CENPE: variants seen among roughly 807,000 people sequenced by gnomAD.
CENPE encodes the protein centromere-associated protein E.
CENPE carries 145 observed loss-of-function variants against 336.1 expected under a neutral mutation model. That is an observed-to-expected ratio of 0.43 (90% CI 0.38 to 0.50). CENPE has a LOEUF of 0.50. Among genes scored for constraint, CENPE ranks in the 20% least tolerant of loss-of-function variants. The probability of loss-of-function intolerance (pLI) is 0.00; values close to 1 mark genes in which losing one functional copy is unlikely to be tolerated. For missense variants in CENPE, 2,719 were observed against 3,023.3 expected (o/e 0.90, Z 2.36); for synonymous variants, 1,013 against 984.8 (o/e 1.03, Z -0.54).
Position 103,197,408 on chromosome 4 carries a change from C to T in CENPE, c.57-558G>A, listed in dbSNP as rs147536302. Among the ~76,000 whole-genome samples, 353 of 152,320 alleles carry T rather than the reference C, an allele frequency of 2.3e-3. 2 individuals are homozygous for T. The highest frequency in any genetic ancestry group is 8.0e-3 in the African/African-American group (333 of 41,560). On this transcript the variant is annotated intron_variant, in intron 1 of 48. Coordinates refer to ENST00000265148, the MANE Select transcript of CENPE (RefSeq NM_001813.3). ...ACGGGAAGCTTTCGTCTCTGATGGGCTAATAACTCCTCTAGCAAACATTCT... is the reference window on the plus strand; with the variant it reads ...ACGGGAAGCTTTCGTCTCTGATGGGTTAATAACTCCTCTAGCAAACATTCT...
At chr4:103,111,121 A>C in intron 46 of CENPE, 110 bp from the exon 47 acceptor site, 1 of 707,878 alleles carries the variant, frequency 1.4e-6, no homozygotes, top group Non-Finnish European at 2.2e-6. Flanking sequence ...CAAACAGCTC[A>C]AGTCTTATTT....
chr4:103,115,731 CTTT>C (rs749115745), intron 45 of CENPE, among the ~76,000 whole-genome samples: 8 of 138,006 alleles, frequency 5.8e-5, no homozygotes, highest in Admixed American at 7.3e-5. Flanking sequence ...GAACATATTT[CTTT>C]TTTTTTTTTT....
At chr4:103,197,526 G>A (rs1409660650) in intron 1 of CENPE, among the ~76,000 whole-genome samples, 2 of 152,132 alleles carry the variant, frequency 1.3e-5, no homozygotes, top group Non-Finnish European at 2.9e-5. Context: ...CTCAAAAATA[G>A]GAAATTCCTG....
chr4:103,169,509 A>G (rs1029381004), intron 16 of CENPE, among the ~76,000 whole-genome samples: 4 of 152,258 alleles, frequency 2.6e-5, no homozygotes, highest in African/African-American at 9.6e-5. Flanking sequence ...GACAAGGAGA[A>G]AATCCTAAAA....
At position 103,177,057 on chromosome 4, in the gene CENPE, A is replaced by G; in HGVS notation, c.1243-11T>C. On this transcript the variant is annotated splice_polypyrimidine_tract_variant and intron_variant, in intron 13 of 48. Transcript: ENST00000265148. ...TCGTTTTCTTTTAGCCTAAAGAAGA[A>G]GAAATCAAAATTATGTCATATAGAT... The G allele has an allele frequency of 6.3e-7, 1 of 1,593,824 alleles. No homozygotes were observed. Among genetic ancestry groups the G allele is most frequent in the Non-Finnish European group, 8.5e-7 (1 of 1,172,310 alleles).
At chr4:103,117,488 G>A (rs1336617331) in intron 44 of CENPE, among the ~76,000 whole-genome samples, 2 of 151,538 alleles carry the variant, frequency 1.3e-5, no homozygotes, top group Admixed American at 6.6e-5. Flanking sequence ...CCTGGCAACT[G>A]TTTATTTTTT....
chr4:103,138,010 A>AACC (rs1752212112), intron 39 of CENPE, among the ~76,000 whole-genome samples: 1 of 152,216 alleles, frequency 6.6e-6, no homozygotes, highest in African/African-American at 2.4e-5. Flanking sequence ...ATATTCCTTG[A>AACC]ACCACCACAG....
chr4:103,172,539 C>G, intron 16 of CENPE, among the ~76,000 whole-genome samples: 1 of 151,998 alleles, frequency 6.6e-6, no homozygotes, highest in Admixed American at 6.5e-5. Context: ...AGATCTAGAA[C>G]AGGATAAGGA....
chr4:103,108,461 T>C (rs895067419), intron 48 of CENPE, among the ~76,000 whole-genome samples: 1 of 152,176 alleles, frequency 6.6e-6, no homozygotes, highest in African/African-American at 2.4e-5. Context: ...TATAATGCTA[T>C]TGGATATTTT....
intron 38 of CENPE, 73 bp downstream of exon 38, chr4:103,139,716 A>G: frequency 7.5e-7 from 1 of 1,335,054 alleles, no homozygotes. Flanking sequence ...AAGAAATAAA[A>G]ACATTGTAAT....
chr4:103,169,623 A>T lies in CENPE; in HGVS notation c.1647+5113T>A, dbSNP rs185187862. Among the ~76,000 whole-genome samples, 6 of 152,178 alleles carry T rather than the reference A, an allele frequency of 3.9e-5. No homozygotes were observed. In the East Asian group the frequency reaches 9.7e-4, roughly 25 times the overall value. ...AAATCTCACAGGCCAGGATCATTAA[A>T]AAGTCAGGAAACAGATGCTGGAGAG... On this transcript the variant is annotated intron_variant, in intron 16 of 48. Transcript: ENST00000265148.
intron 8 of CENPE, among the ~76,000 whole-genome samples, chr4:103,191,491 C>T (rs1191131792): frequency 6.6e-6 from 1 of 152,120 alleles, no homozygotes; most frequent in African/African-American, 2.4e-5. Flanking sequence ...AGTTCATGTC[C>T]TTTGTAGGGA....
intron 40 of CENPE, 77 bp from the exon 41 acceptor site, chr4:103,133,969 T>C (rs2125901097): frequency 1.2e-6 from 1 of 850,304 alleles, no homozygotes; most frequent in Non-Finnish European, 1.9e-6. Flanking sequence ...CTTGAGACTA[T>C]GAGGTAGGAT....
At chr4:103,107,165 G>A (rs1460673241) in intron 48 of CENPE, among the ~76,000 whole-genome samples, 1 of 152,218 alleles carries the variant, frequency 6.6e-6, no homozygotes, top group Admixed American at 6.5e-5. Context: ...GAGCCTAGGA[G>A]TTCAAGGCCA....
chr4:103,175,901 T>C, intron 15 of CENPE, 59 bp downstream of exon 15: 5 of 1,091,748 alleles, frequency 4.6e-6, no homozygotes, highest in Non-Finnish European at 6.7e-6. Context: ...CAAAACCTAA[T>C]AACAAAAGAA....
At chr4:103,177,808 A>G (rs1356218762) in intron 13 of CENPE, among the ~76,000 whole-genome samples, 1 of 151,172 alleles carries the variant, frequency 6.6e-6, no homozygotes, top group Non-Finnish European at 1.5e-5. Context: ...CCCTTTCCAC[A>G]CCCTGCTCTG....
chr4:103,113,926 G>T (rs1749839705), intron 46 of CENPE, among the ~76,000 whole-genome samples: 1 of 151,852 alleles, frequency 6.6e-6, no homozygotes, highest in African/African-American at 2.4e-5. Flanking sequence ...AATAAAGGTA[G>T]TTTGAGGAAT....
intron 8 of CENPE, among the ~76,000 whole-genome samples, chr4:103,187,362 T>C (rs1756870842): frequency 6.6e-6 from 1 of 151,988 alleles, no homozygotes; most frequent in Non-Finnish European, 1.5e-5. Context: ...TCACCAAAGT[T>C]GAAATGAAGG....
chr4:103,117,181 G>T (rs778403233), intron 44 of CENPE, among the ~76,000 whole-genome samples: 2 of 152,084 alleles, frequency 1.3e-5, no homozygotes, highest in African/African-American at 2.4e-5. Context: ...ACAGCAGCAG[G>T]TTTCCAGAAA....
Sources: gnomAD v4.1 joint callset for allele counts (sites outside exome capture counted in the v4.1 genomes callset) on GRCh38, gnomAD v4.1.1 for gene constraint, MANE v1.5 for transcripts, NCBI Gene and HGNC (gene_info 2026-07-23, HGNC 2026-07-21) for gene names.